Variants in SFI1 observed in about 807,000 individuals in gnomAD.
SFI1 encodes SFI1 centrin binding protein.
In SFI1, 195 loss-of-function variants were observed where a neutral mutation model predicts 207.5. That is an observed-to-expected ratio of 0.94 (90% CI 0.84 to 1.06). SFI1 has a LOEUF of 1.06. SFI1 is among the 50% of genes least tolerant of loss of function. The pLI is 0.00. For missense variants in SFI1, 1,634 were observed against 1,588.0 expected (o/e 1.03, Z -0.49); for synonymous variants, 630 against 598.9 (o/e 1.05, Z -0.76).
At chr22:31,507,612 A>G (rs2054835225) in intron 1 of SFI1, among the ~76,000 whole-genome samples, 1 of 152,212 alleles carries the variant, frequency 6.6e-6, no homozygotes, top group Non-Finnish European at 1.5e-5. Context: ...CACTCTGTCC[A>G]TCTGACAGAG....
chr22:31,529,146 T>G, intron 3 of SFI1: 1 of 336,816 alleles, frequency 3.0e-6, no homozygotes, highest in Non-Finnish European at 5.4e-6. Context: ...GAACTACTCT[T>G]TTTTGCTATT....
intron 14 of SFI1, among the ~76,000 whole-genome samples, chr22:31,585,665 T>G (rs546202779): frequency 6.6e-6 from 1 of 152,194 alleles, no homozygotes; most frequent in Admixed American, 6.5e-5. Flanking sequence ...AACTGTGATA[T>G]AAAGTCAATA....
chr22:31,587,334 C>A, intron 14 of SFI1: 1 of 326,326 alleles, frequency 3.1e-6, no homozygotes, highest in South Asian at 2.2e-5. Flanking sequence ...ACAGGTTTCA[C>A]TTTGTCACCC....
chr22:31,603,493 T>G (rs2068466372), intron 17 of SFI1, among the ~76,000 whole-genome samples: 1 of 152,192 alleles, frequency 6.6e-6, no homozygotes, highest in Non-Finnish European at 1.5e-5. Context: ...GTTTAACCAG[T>G]TTCTCAGTTG....
intron 6 of SFI1, among the ~76,000 whole-genome samples, chr22:31,551,048 C>T (rs1224656193): frequency 2.0e-5 from 3 of 152,256 alleles, no homozygotes; most frequent in Non-Finnish European, 2.9e-5. Context: ...TTTAAGAAGG[C>T]CCTCTGAGGC....
intron 8 of SFI1, among the ~76,000 whole-genome samples, chr22:31,562,159 T>A (rs1455853865): frequency 6.6e-6 from 1 of 152,188 alleles, no homozygotes; most frequent in African/African-American, 2.4e-5. Context: ...AAATAAAGTT[T>A]TATTGGGATG....
intron 6 of SFI1, among the ~76,000 whole-genome samples, chr22:31,552,920 C>T (rs1381999517): frequency 7.2e-5 from 11 of 152,032 alleles, no homozygotes; most frequent in Non-Finnish European, 1.0e-4. Flanking sequence ...TCATAGCTCA[C>T]TGCAGCCTTG....
intron 8 of SFI1, among the ~76,000 whole-genome samples, chr22:31,568,831 T>C (rs2062668705): frequency 1.3e-5 from 2 of 152,120 alleles, no homozygotes; most frequent in Non-Finnish European, 2.9e-5. Context: ...GGCATAGTGG[T>C]GCCTGTAGTC....
chr22:31,597,169 C>T (rs1280779560), intron 15 of SFI1, among the ~76,000 whole-genome samples: 1 of 152,104 alleles, frequency 6.6e-6, no homozygotes, highest in Non-Finnish European at 1.5e-5. Context: ...ATTTTGTATG[C>T]TGTGAGAACC....
chr22:31,581,693 G>A (rs2064197508), intron 12 of SFI1, among the ~76,000 whole-genome samples: 1 of 151,790 alleles, frequency 6.6e-6, no homozygotes, highest in African/African-American at 2.4e-5. Context: ...AACATATATT[G>A]TCTCTACTTT....
At chr22:31,587,844 GA>G (rs1403821153) in intron 14 of SFI1, 1 of 152,080 alleles carries the variant, frequency 6.6e-6, no homozygotes. Flanking sequence ...AGATATTATA[GA>G]AAATTTAGGA....
intron 2 of SFI1, among the ~76,000 whole-genome samples, chr22:31,516,265 C>T (rs1195155126): frequency 6.6e-6 from 1 of 152,020 alleles, no homozygotes; most frequent in Non-Finnish European, 1.5e-5. Flanking sequence ...GGAATTCTAG[C>T]ACTTTGAGAG....
Position 31,567,183 on chromosome 22 carries a change from G to A in SFI1, c.765+5791G>A, listed in dbSNP as rs541992842. Among the ~76,000 whole-genome samples, 47 of 152,286 alleles carry A rather than the reference G, an allele frequency of 3.1e-4. No homozygotes were observed. The South Asian group carries it at 5.0e-3, about 16-fold the overall frequency. ...GCCTCCCAAAGTGTTGGGATTACAG[G>A]CGTGAGCCACCGCACCTGGCCAAGC... On this transcript the variant is annotated intron_variant, in intron 8 of 32. Transcript: ENST00000400288.
chr22:31,538,083 T>C (rs764118971), intron 4 of SFI1, among the ~76,000 whole-genome samples: 11 of 152,172 alleles, frequency 7.2e-5, no homozygotes, highest in Non-Finnish European at 1.5e-4. Flanking sequence ...GCAATTCTCC[T>C]GCCTCAGCCT....
chr22:31,604,856 T>G lies in SFI1; in HGVS notation c.1978-13T>G. 6.2e-7 allele frequency: 1 copy of G among 1,610,264 alleles called. No individual in the cohort carries two copies. Among genetic ancestry groups the G allele is most frequent in the Non-Finnish European group, 8.5e-7 (1 of 1,178,060 alleles). ...GGCCCAAGAGCAGCCTCAGTCTTCC[T>G]TGTCCCCTACAGACTTACCAGGGCA... On this transcript the variant is annotated splice_polypyrimidine_tract_variant and intron_variant, in intron 19 of 32. Coordinates refer to ENST00000400288, the MANE Select transcript of SFI1 (RefSeq NM_001007467.3).
chr22:31,516,055 A>G (rs2056449281), intron 2 of SFI1, among the ~76,000 whole-genome samples: 1 of 151,950 alleles, frequency 6.6e-6, no homozygotes. Flanking sequence ...TTTGAAGTAC[A>G]TATTCAAGTC....
At chr22:31,507,232 T>C (rs964379667) in intron 1 of SFI1, among the ~76,000 whole-genome samples, 3 of 152,046 alleles carry the variant, frequency 2.0e-5, no homozygotes, top group Non-Finnish European at 4.4e-5. Flanking sequence ...CTTTGACAAA[T>C]GTGACCAAAA....
rs1472113471 is a variant in SFI1, at chr22:31,547,031, G to C, written c.449+60G>C. On this transcript the variant is annotated intron_variant, in intron 5 of 32. Coordinates refer to ENST00000400288, the MANE Select transcript of SFI1 (RefSeq NM_001007467.3). ...GATGCACATTATCAGATGATTATTT[G>C]TTGGCGTGTTTATGGTCAAAAGAAG... The C allele has an allele frequency of 7.9e-6, 10 of 1,266,408 alleles. No individual in the cohort carries two copies. In the African/African-American group the frequency reaches 1.5e-4, roughly 19 times the overall value. 78.4% of individuals were successfully genotyped at this position (1,266,408 alleles called of 1,614,324 possible).
In SFI1 at chr22:31,503,736, C is replaced by T. The variant is rs572590115; in HGVS notation, c.-30-4519C>T. Among the ~76,000 whole-genome samples the T allele has an allele frequency of 1.8e-3, 276 of 150,978 alleles. 1 individual carries two copies. Among genetic ancestry groups the T allele is most frequent in the South Asian group, 8.2e-3 (39 of 4,782 alleles). On this transcript the variant is annotated intron_variant, in intron 1 of 32. Coordinates refer to ENST00000400288, the MANE Select transcript of SFI1 (RefSeq NM_001007467.3). ...CCAAGTAGCTCGGATTACAGGCATT[C>T]GCCACCATGCCAATTTTTTTTTTTT...
Sources: gnomAD v4.1 joint callset for allele counts (sites outside exome capture counted in the v4.1 genomes callset) on GRCh38, gnomAD v4.1.1 for gene constraint, MANE v1.5 for transcripts, NCBI Gene and HGNC (gene_info 2026-07-23, HGNC 2026-07-21) for gene names.